The following CSMD2 variants were observed in gnomAD, a reference collection of about 807,000 sequenced individuals.
CSMD2 encodes the protein CUB and Sushi multiple domains 2, also known as CUB and sushi domain-containing protein 2.
Under a neutral mutation model 398.5 loss-of-function variants are expected in CSMD2, and 130 were observed. The observed-to-expected ratio is 0.33, with a 90% CI of 0.28 to 0.38. CSMD2 has a LOEUF of 0.38. CSMD2 is among the 10% of genes least tolerant of loss of function. The probability of loss-of-function intolerance (pLI) is 1.00; values close to 1 mark genes in which losing one functional copy is unlikely to be tolerated. For synonymous variants in CSMD2, 1,828 were observed against 1,908.5 expected (o/e 0.96, Z 1.10); for missense variants, 3,829 against 4,764.9 (o/e 0.80, Z 5.78).
chr1:34,078,499 C>A (rs528427685), intron 2 of CSMD2, among the ~76,000 whole-genome samples: 1 of 152,120 alleles, frequency 6.6e-6, no homozygotes, highest in African/African-American at 2.4e-5. Flanking sequence ...CAGGAAAGGA[C>A]GTAAACAATG....
chr1:34,024,915 G>A (rs369942575), intron 3 of CSMD2, among the ~76,000 whole-genome samples: 10 of 152,320 alleles, frequency 6.6e-5, no homozygotes, highest in African/African-American at 1.7e-4. Flanking sequence ...GGCTGAGGCC[G>A]AGAGAGAGAA....
intron 2 of CSMD2, among the ~76,000 whole-genome samples, chr1:34,046,408 A>G (rs967536457): frequency 6.6e-6 from 1 of 152,228 alleles, no homozygotes; most frequent in Non-Finnish European, 1.5e-5. Flanking sequence ...ACTACTTAAT[A>G]AGTGGAGCTA....
intron 19 of CSMD2, among the ~76,000 whole-genome samples, chr1:33,723,022 AGTCT>A (rs1646409449): frequency 6.6e-6 from 1 of 152,192 alleles, no homozygotes; most frequent in Admixed American, 6.5e-5. Flanking sequence ...TATATACTAA[AGTCT>A]GTCTCTTTCT....
chr1:33,709,335 C>T (rs946177998), intron 21 of CSMD2, 77 bp from the exon 22 acceptor site: 1 of 1,321,614 alleles, frequency 7.6e-7, no homozygotes, highest in Admixed American at 2.3e-5. Context: ...CTCTGAAGAA[C>T]CTGACAAAGA....
Position 33,533,288 on chromosome 1 carries a change from T to C in CSMD2, c.9992-59A>G. 1.4e-6 allele frequency: 2 copies of C among 1,466,846 alleles called. No homozygotes were observed. The highest frequency in any genetic ancestry group is 2.3e-5 in the South Asian group (2 of 85,178). 90.9% of individuals were successfully genotyped at this position (1,466,846 alleles called of 1,614,324 possible). A position where few individuals can be genotyped will look rare whatever the true frequency, so the allele number is the denominator to read the frequency against. ...GAGATTAGGGGCTTCAGGGGCCCTTTCGACCATTCCCCTGTTCCTAGATAG... is the reference window on the plus strand; with the variant it reads ...GAGATTAGGGGCTTCAGGGGCCCTTCCGACCATTCCCCTGTTCCTAGATAG... On this transcript the variant is annotated intron_variant, in intron 63 of 70. Coordinates refer to ENST00000373381, the MANE Select transcript of CSMD2 (RefSeq NM_001281956.2). This position sits in a 1 kb window ranked among gnomAD's most constrained non-coding sequence, Gnocchi z 4.2.
At chr1:33,971,517 T>C (rs1173758208) in intron 3 of CSMD2, among the ~76,000 whole-genome samples, 1 of 152,228 alleles carries the variant, frequency 6.6e-6, no homozygotes, top group Non-Finnish European at 1.5e-5. Context: ...CCAGGCACAT[T>C]CCAATGTCTT....
At chr1:33,917,997 T>C in intron 5 of CSMD2, 97 bp downstream of exon 5, 2 of 1,111,122 alleles carry the variant, frequency 1.8e-6, no homozygotes, top group Non-Finnish European at 2.6e-6. Flanking sequence ...CTAAGAGGCC[T>C]CTGGCTGCAG....
chr1:33,848,242 C>G (rs929190485), intron 5 of CSMD2, among the ~76,000 whole-genome samples: 6 of 152,206 alleles, frequency 3.9e-5, no homozygotes, highest in Non-Finnish European at 8.8e-5. Context: ...ACTCCCAATC[C>G]TGGAGCAGAG....
Position 33,778,587 on chromosome 1 carries a change from T to C in CSMD2, c.1664-5836A>G, listed in dbSNP as rs149693417. Among the ~76,000 whole-genome samples the C allele has an allele frequency of 3.5e-3, 527 of 151,886 alleles. 6 individuals carry two copies. Among genetic ancestry groups the C allele is most frequent in the African/African-American group, 0.012 (503 of 41,362 alleles). Reference sequence around the variant, plus strand: ...ACTGTGTACCCGGCACTTAGCACAGTCCCTGGAACACACAGAATACTCTGA... The same window carrying C: ...ACTGTGTACCCGGCACTTAGCACAGCCCCTGGAACACACAGAATACTCTGA... On this transcript the variant is annotated intron_variant, in intron 12 of 70. Coordinates refer to ENST00000373381, the MANE Select transcript of CSMD2 (RefSeq NM_001281956.2).
chr1:33,577,757 C>G (rs1258495144), intron 48 of CSMD2, among the ~76,000 whole-genome samples: 1 of 152,178 alleles, frequency 6.6e-6, no homozygotes, highest in Non-Finnish European at 1.5e-5. Context: ...AAAGGTAGAT[C>G]TGGTGTATGG....
At chr1:33,539,973 C>T (rs982781130) in intron 60 of CSMD2, among the ~76,000 whole-genome samples, 3 of 152,116 alleles carry the variant, frequency 2.0e-5, no homozygotes, top group Admixed American at 6.5e-5. Context: ...GCCCAAAGCA[C>T]GGGCATGGAG....
At chr1:34,026,777 C>T (rs1209125335) in intron 3 of CSMD2, among the ~76,000 whole-genome samples, 2 of 152,076 alleles carry the variant, frequency 1.3e-5, no homozygotes, top group African/African-American at 2.4e-5. Flanking sequence ...AAAAAAATGA[C>T]CAAATGGCAG....
intron 28 of CSMD2, among the ~76,000 whole-genome samples, chr1:33,651,440 T>C (rs547797510): frequency 3.3e-4 from 51 of 152,318 alleles, no homozygotes; most frequent in Non-Finnish European, 6.2e-4. Flanking sequence ...AACATCTGGA[T>C]AGCGATGCTG....
At chr1:34,002,027 A>G (rs1646920275) in intron 3 of CSMD2, among the ~76,000 whole-genome samples, 1 of 152,160 alleles carries the variant, frequency 6.6e-6, no homozygotes, top group Non-Finnish European at 1.5e-5. Context: ...GATTCCTTCA[A>G]CCTTTGTTTT....
At chr1:33,682,708 T>C (rs375773113) in intron 25 of CSMD2, among the ~76,000 whole-genome samples, 84 of 152,272 alleles carry the variant, frequency 5.5e-4, no homozygotes, top group African/African-American at 2.0e-3. Flanking sequence ...AGGGATTTTT[T>C]ATAATTCATC....
intron 2 of CSMD2, among the ~76,000 whole-genome samples, chr1:34,079,159 T>A (rs183768665): frequency 8.9e-4 from 136 of 152,254 alleles, no homozygotes; most frequent in African/African-American, 2.4e-3. Flanking sequence ...AACATCATAC[T>A]TAATGCTAAA....
Position 33,660,133 on chromosome 1 carries a change from AG to A in CSMD2, c.4256-1997del, listed in dbSNP as rs544892501. Among the ~76,000 whole-genome samples, 387 of 152,360 alleles carry A rather than the reference AG, an allele frequency of 2.5e-3. 3 individuals carry two copies. Among genetic ancestry groups the A allele is most frequent in the African/African-American group, 8.7e-3 (360 of 41,590 alleles). The stretch of plus-strand genomic sequence containing the variant: ...TACAATGATTAGCAGCTTAGGTTTA[AG>A]AAACAGACACATGGTTTTTGCTATT... On this transcript the variant is annotated intron_variant, in intron 26 of 70. Transcript: ENST00000373381.
At chr1:33,560,002 C>A (rs1277280016) in intron 53 of CSMD2, among the ~76,000 whole-genome samples, 1 of 152,198 alleles carries the variant, frequency 6.6e-6, no homozygotes, top group Non-Finnish European at 1.5e-5. Flanking sequence ...CCAATTCCTT[C>A]CATGGCAAGG....
intron 5 of CSMD2, among the ~76,000 whole-genome samples, chr1:33,889,062 G>A (rs191351362): frequency 5.3e-5 from 8 of 152,196 alleles, no homozygotes; most frequent in South Asian, 2.1e-4. Context: ...GAGCCACTGC[G>A]CCCGGCCAAG....
Sources: allele counts gnomAD v4.1 joint callset (sites outside exome capture counted in the v4.1 genomes callset), GRCh38; gene constraint gnomAD v4.1.1; non-coding constraint Gnocchi (gnomAD v3.1); transcripts MANE v1.5; gene names NCBI Gene and HGNC (gene_info 2026-07-23, HGNC 2026-07-21).